Variants in HS3ST5 observed in about 807,000 individuals in gnomAD.
HS3ST5 encodes the protein heparan sulfate-glucosamine 3-sulfotransferase 5.
A neutral mutation model predicts 25.4 loss-of-function variants in HS3ST5; 10 were observed. The ratio of observed to expected loss-of-function variants is 0.39; its 90% CI spans 0.24 to 0.67. The LOEUF is 0.67. HS3ST5 is among the 30% of genes least tolerant of loss of function. The pLI, the probability that HS3ST5 is intolerant of heterozygous loss-of-function variation, is 0.44. For synonymous variants in HS3ST5, 170 were observed against 162.4 expected (o/e 1.05, Z -0.36); for missense variants, 324 against 420.7 (o/e 0.77, Z 2.01).
chr6:114,341,589 CCGCGCG>C (rs5879260), intron 1 of HS3ST5, among the ~76,000 whole-genome samples: 4 of 145,888 alleles, frequency 2.7e-5, no homozygotes, highest in African/African-American at 7.5e-5. Context: ...TGCATCCATC[CCGCGCG>C]CGCGCGCGCG....
At chr6:114,306,390 CAT>C (rs1481725264) in intron 1 of HS3ST5, among the ~76,000 whole-genome samples, 1 of 150,002 alleles carries the variant, frequency 6.7e-6, no homozygotes, top group East Asian at 1.9e-4. Context: ...TAAATTATTA[CAT>C]ATATATAATC....
chr6:114,081,440 G>A (rs1021283079), intron 3 of HS3ST5, among the ~76,000 whole-genome samples: 19 of 152,098 alleles, frequency 1.2e-4, no homozygotes, highest in African/African-American at 4.3e-4. Flanking sequence ...AAAGAGAGCT[G>A]AAGTAATTTT....
chr6:114,093,474 G>A (rs576654862), intron 3 of HS3ST5, among the ~76,000 whole-genome samples: 1 of 151,030 alleles, frequency 6.6e-6, no homozygotes, highest in Non-Finnish European at 1.5e-5. Flanking sequence ...TACCTACCAG[G>A]CTTGGATTGG....
chr6:114,080,734 C>T (rs1273444414), intron 3 of HS3ST5, among the ~76,000 whole-genome samples: 1 of 152,154 alleles, frequency 6.6e-6, no homozygotes, highest in Non-Finnish European at 1.5e-5. Context: ...AAACATTGAG[C>T]ACCCATGGAC....
intron 2 of HS3ST5, among the ~76,000 whole-genome samples, chr6:114,210,406 G>GA (rs1468979057): frequency 1.3e-5 from 2 of 152,090 alleles, no homozygotes; most frequent in African/African-American, 2.4e-5. Flanking sequence ...TCTGGTTTCT[G>GA]AAAAAAATGG....
chr6:114,240,453 A>G (rs9320489), intron 1 of HS3ST5, among the ~76,000 whole-genome samples: 85,935 of 151,968 alleles, frequency 0.57, 25,089 homozygotes, highest in African/African-American at 0.72. Context: ...GTAGTATGTG[A>G]AAGGAGAGGA....
At chr6:114,302,051 T>C (rs1179174610) in intron 1 of HS3ST5, among the ~76,000 whole-genome samples, 1 of 152,194 alleles carries the variant, frequency 6.6e-6, no homozygotes, top group African/African-American at 2.4e-5. Flanking sequence ...TGCTGTTGTC[T>C]CCAAGTTTTG....
chr6:114,258,870 T>C (rs868805471), intron 1 of HS3ST5, among the ~76,000 whole-genome samples: 1 of 152,130 alleles, frequency 6.6e-6, no homozygotes, highest in African/African-American at 2.4e-5. Flanking sequence ...TATTTGAAAT[T>C]ATAGAGACAA....
At chr6:114,126,079 C>T (rs547073712) in intron 3 of HS3ST5, among the ~76,000 whole-genome samples, 29 of 152,216 alleles carry the variant, frequency 1.9e-4, no homozygotes, top group African/African-American at 4.8e-4. Context: ...TTCTTCACCA[C>T]GATTAATATC....
At chr6:114,108,401 G>A (rs908193705) in intron 3 of HS3ST5, among the ~76,000 whole-genome samples, 1 of 152,108 alleles carries the variant, frequency 6.6e-6, no homozygotes, top group Non-Finnish European at 1.5e-5. Context: ...GGTGCCAGAG[G>A]AGCTGTTCAT....
At chr6:114,069,554 C>G (rs1773669923) in intron 3 of HS3ST5, among the ~76,000 whole-genome samples, 1 of 144,082 alleles carries the variant, frequency 6.9e-6, no homozygotes, top group African/African-American at 2.6e-5. Context: ...GAGTCTCGCT[C>G]TGTCGCCAGG....
intron 1 of HS3ST5, among the ~76,000 whole-genome samples, chr6:114,308,915 G>C (rs77491240): frequency 0.013 from 1,976 of 152,270 alleles, 35 homozygotes; most frequent in African/African-American, 0.045. Flanking sequence ...GAGCCAAGCA[G>C]GTATGAAACA....
chr6:114,163,009 G>A (rs1254559747), intron 3 of HS3ST5, among the ~76,000 whole-genome samples: 2 of 152,090 alleles, frequency 1.3e-5, no homozygotes, highest in Admixed American at 6.6e-5. Context: ...CCAGCACAAC[G>A]CTATAAAAAT....
At chr6:114,234,241 G>A (rs572374523) in intron 1 of HS3ST5, among the ~76,000 whole-genome samples, 1 of 151,696 alleles carries the variant, frequency 6.6e-6, no homozygotes, top group Admixed American at 6.6e-5. Flanking sequence ...CTATATACCT[G>A]TTATTCAGTT....
At chr6:114,323,222 T>C (rs1776038311) in intron 1 of HS3ST5, among the ~76,000 whole-genome samples, 1 of 152,018 alleles carries the variant, frequency 6.6e-6, no homozygotes, top group South Asian at 2.1e-4. Context: ...ACCTAGAAGG[T>C]AGGAAGGAAG....
chr6:114,183,994 G>A (rs916419562), intron 2 of HS3ST5, among the ~76,000 whole-genome samples: 2 of 149,438 alleles, frequency 1.3e-5, no homozygotes, highest in Non-Finnish European at 3.0e-5. Flanking sequence ...GAATTTGCAA[G>A]TAATGAAATA....
chr6:114,084,432 T>C (rs1774654201), intron 3 of HS3ST5: 2 of 756,232 alleles, frequency 2.6e-6, no homozygotes, highest in South Asian at 1.3e-5. Context: ...TTTCAGTCTC[T>C]TCAGGATCTC....
At chr6:114,335,988 G>C (rs1776595724) in intron 1 of HS3ST5, among the ~76,000 whole-genome samples, 1 of 152,200 alleles carries the variant, frequency 6.6e-6, no homozygotes, top group Non-Finnish European at 1.5e-5. Flanking sequence ...TTCAGCATAG[G>C]CCTTTAAATC....
chr6:114,128,771 G>A (rs1292296459), intron 3 of HS3ST5, among the ~76,000 whole-genome samples: 2 of 152,280 alleles, frequency 1.3e-5, no homozygotes, highest in African/African-American at 4.8e-5. Context: ...GAAAAAGAGA[G>A]TAAGCAATGA....
Sources: allele counts gnomAD v4.1 joint callset (sites outside exome capture counted in the v4.1 genomes callset), GRCh38; gene constraint gnomAD v4.1.1; transcripts MANE v1.5; gene names NCBI Gene and HGNC (gene_info 2026-07-23, HGNC 2026-07-21).